KCNK5: variants seen among roughly 807,000 people sequenced by gnomAD.
The protein encoded by KCNK5 is potassium channel subfamily K member 5.
Under a neutral mutation model 32.9 loss-of-function variants are expected in KCNK5, and 18 were observed. The observed-to-expected ratio is 0.55, with a 90% CI of 0.38 to 0.81. The LOEUF is 0.81. Among genes scored for constraint, KCNK5 ranks in the 30% least tolerant of loss-of-function variants. KCNK5 has a pLI of 0.00. For synonymous variants in KCNK5, 276 were observed against 275.3 expected (o/e 1.00, Z -0.03); for missense variants, 507 against 651.0 (o/e 0.78, Z 2.41).
chr6:39,203,087 C>G (rs111703431), intron 1 of KCNK5, among the ~76,000 whole-genome samples: 45 of 152,124 alleles, frequency 3.0e-4, no homozygotes, highest in Non-Finnish European at 6.2e-4. Context: ...CTGCTCACCC[C>G]CAAAGCTGAA....
At chr6:39,216,888 G>A (rs1257418270) in intron 1 of KCNK5, among the ~76,000 whole-genome samples, 3 of 152,028 alleles carry the variant, frequency 2.0e-5, no homozygotes, top group Admixed American at 1.3e-4. Context: ...TTGGGAGGCT[G>A]AGGCGGGCAG....
Position 39,195,978 on chromosome 6 carries a change from C to T in KCNK5, c.196G>A (p.Asp66Asn). The change falls in exon 2 of 5, where the codon GAT becomes AAT. Residue 66 changes from aspartate (D) to asparagine (N), a missense_variant. Physicochemically the swap from Asp to Asn is conservative, Grantham distance 23. This residue lies in a region of KCNK5 where 143 missense variants were observed against 219.1 expected (regional missense o/e 0.65). Transcript: ENST00000359534. Reference protein sequence around the residue: ...GLDKILEVVSDAAGQGVAITG... With the variant: ...GLDKILEVVSNAAGQGVAITG... ...ATGGCCACACCCTGTCCTGCAGCAT[C>T]AGATACCACCTAAAATGAGAAACAG... is the stretch of plus-strand genomic sequence containing the variant. 6.2e-7 allele frequency: 1 copy of T among 1,610,980 alleles called. No individual in the cohort carries two copies. The highest frequency in any genetic ancestry group is 8.5e-7 in the Non-Finnish European group (1 of 1,178,186).
intron 2 of KCNK5, among the ~76,000 whole-genome samples, chr6:39,195,425 A>G (rs3778448): frequency 0.35 from 52,538 of 152,172 alleles, 9,490 homozygotes; most frequent in African/African-American, 0.46. Flanking sequence ...CCATTGTTCG[A>G]CTGCCACTGC....
chr6:39,217,959 C>T (rs1490282215), intron 1 of KCNK5, among the ~76,000 whole-genome samples: 1 of 152,036 alleles, frequency 6.6e-6, no homozygotes, highest in Admixed American at 6.5e-5. Context: ...TGCTCAAGAT[C>T]ACAGGAACGG....
intron 1 of KCNK5, among the ~76,000 whole-genome samples, chr6:39,224,991 A>G (rs1042189208): frequency 6.7e-6 from 1 of 149,644 alleles, no homozygotes; most frequent in African/African-American, 2.5e-5. Context: ...TGCAGCTTTG[A>G]CCTCCCAGGT....
chr6:39,200,816 TC>T (rs139280617), intron 1 of KCNK5, among the ~76,000 whole-genome samples: 2,925 of 152,274 alleles, frequency 0.019, 98 homozygotes, highest in African/African-American at 0.066. Context: ...CTCCCAGACA[TC>T]CCCTCATCCC....
chr6:39,201,268 T>C (rs1179349002), intron 1 of KCNK5, among the ~76,000 whole-genome samples: 1 of 137,756 alleles, frequency 7.3e-6, no homozygotes, highest in Non-Finnish European at 1.6e-5. Context: ...TTTTTTTTTT[T>C]GCGATGAGAG....
rs1186738281 is a variant in KCNK5 at position 39,189,783 on chromosome 6, A to C, written c.*1107T>G. 6 of 152,690 alleles carry C rather than the reference A, an allele frequency of 3.9e-5. No individual in the cohort carries two copies. The highest frequency in any genetic ancestry group is 3.9e-4 in the Admixed American group (6 of 15,286). 9.5% of individuals were successfully genotyped at this position (152,690 alleles called of 1,614,324 possible). On this transcript the variant is annotated 3_prime_UTR_variant, in exon 5 of 5. Coordinates refer to ENST00000359534, the MANE Select transcript of KCNK5 (RefSeq NM_003740.4). ...GTGCACACACGCACTGTGCACACAC[A>C]CGTGCACATCAAACACTAGCTAGAG...
chr6:39,226,907 C>T (rs1263803266), intron 1 of KCNK5, among the ~76,000 whole-genome samples: 1 of 152,158 alleles, frequency 6.6e-6, no homozygotes, highest in Non-Finnish European at 1.5e-5. Context: ...ATAATAGCCT[C>T]CAAAGCAGAC....
At chr6:39,227,842 C>T (rs1015098800) in intron 1 of KCNK5, among the ~76,000 whole-genome samples, 1 of 152,130 alleles carries the variant, frequency 6.6e-6, no homozygotes, top group Non-Finnish European at 1.5e-5. Context: ...CTGCTGTAGA[C>T]TAAACGTTGC....
chr6:39,229,061 G>A lies in KCNK5; in HGVS notation c.51C>T (p.Ala17=), dbSNP rs1420322718. ...GCACTTCGAAGATCGCCGCCCCGAT[G>A]GCCAGGTAGAAGATGATGGCCGAGG... ...LLTSAIIFYL[A]IGAAIFEVLE... The change falls in exon 1 of 5, where the codon GCC becomes GCT. Residue 17 remains alanine (A), a synonymous_variant. Transcript: ENST00000359534. The A allele has an allele frequency of 2.5e-6, 4 of 1,614,148 alleles. No individual in the cohort carries two copies. The highest frequency in any genetic ancestry group is 8.5e-7 in the Non-Finnish European group (1 of 1,180,012).
intron 1 of KCNK5, among the ~76,000 whole-genome samples, chr6:39,205,888 G>C (rs1420211428): frequency 6.6e-6 from 1 of 152,118 alleles, no homozygotes; most frequent in African/African-American, 2.4e-5. Context: ...AGCCAGCAGT[G>C]CTCTCAGGCC....
chr6:39,227,129 C>G (rs1771687908), intron 1 of KCNK5, among the ~76,000 whole-genome samples: 1 of 151,642 alleles, frequency 6.6e-6, no homozygotes, highest in Admixed American at 6.6e-5. Context: ...GCCGTATGCC[C>G]CGCCAGCCTT....
chr6:39,229,133 T>C lies in KCNK5; in HGVS notation c.-22A>G. 1 of 1,612,494 alleles carries C rather than the reference T, an allele frequency of 6.2e-7. No homozygotes were observed. The highest frequency in any genetic ancestry group is 8.5e-7 in the Non-Finnish European group (1 of 1,179,350). On this transcript the variant is annotated 5_prime_UTR_variant, in exon 1 of 5. Coordinates refer to ENST00000359534, the MANE Select transcript of KCNK5 (RefSeq NM_003740.4). ...CCATGGCTCCCGAGCGGCCGCCTCCTAGAGAAAGCCTCTCCTAGCCCCAGC... is the reference window on the plus strand; with the variant it reads ...CCATGGCTCCCGAGCGGCCGCCTCCCAGAGAAAGCCTCTCCTAGCCCCAGC...
At chr6:39,210,812 T>A (rs1265497989) in intron 1 of KCNK5, among the ~76,000 whole-genome samples, 1 of 152,088 alleles carries the variant, frequency 6.6e-6, no homozygotes, top group Non-Finnish European at 1.5e-5. Flanking sequence ...TCCCAGGGGC[T>A]CACTCCATGC....
chr6:39,217,811 G>A (rs759260347), intron 1 of KCNK5, among the ~76,000 whole-genome samples: 6 of 152,182 alleles, frequency 3.9e-5, no homozygotes, highest in Non-Finnish European at 5.9e-5. Context: ...GAGACTCCCT[G>A]GGGAGCAGGG....
At chr6:39,193,685 G>C (rs961974487) in intron 4 of KCNK5, among the ~76,000 whole-genome samples, 2 of 152,326 alleles carry the variant, frequency 1.3e-5, no homozygotes, top group East Asian at 3.9e-4. Context: ...GGCCTCCCTT[G>C]TCTTTAAGCT....
chr6:39,217,708 G>A (rs758733324), intron 1 of KCNK5, among the ~76,000 whole-genome samples: 4 of 152,138 alleles, frequency 2.6e-5, no homozygotes, highest in Non-Finnish European at 2.9e-5. Flanking sequence ...CCCAGAGCGT[G>A]AGCCACCCCC....
Position 39,191,269 on chromosome 6 carries a change from T to A in KCNK5, c.1121A>T (p.Glu374Val). The A allele has an allele frequency of 6.2e-7, 1 of 1,614,104 alleles. No homozygotes were observed. Among genetic ancestry groups the A allele is most frequent in the Non-Finnish European group, 8.5e-7 (1 of 1,180,026 alleles). The change falls in exon 5 of 5, where the codon GAG becomes GTG. Residue 374 changes from glutamate to valine, a missense_variant. Glu to Val is a moderately radical substitution (Grantham distance 121, BLOSUM62 -2). This residue lies in a region of KCNK5 where 252 missense variants were observed against 250.8 expected (regional missense o/e 1.00). Coordinates refer to ENST00000359534, the MANE Select transcript of KCNK5 (RefSeq NM_003740.4). This position sits in a 1 kb window ranked among gnomAD's most constrained non-coding sequence, Gnocchi z 5.8. Reference sequence around the variant, plus strand: ...TTCAGGGGCCCGTGCCACAGCCTCCTCATCTGGGGACCTTGATACGTGGCC... The same window carrying A: ...TTCAGGGGCCCGTGCCACAGCCTCCACATCTGGGGACCTTGATACGTGGCC... ...SKGHVSRSPD[E>V]EAVARAPEDS...
Sources: gnomAD v4.1 joint callset for allele counts (sites outside exome capture counted in the v4.1 genomes callset) on GRCh38, gnomAD v4.1.1 for gene constraint, gnomAD v4.1.1 regional missense constraint, Gnocchi (gnomAD v3.1) non-coding constraint, MANE v1.5 for transcripts, NCBI Gene and HGNC (gene_info 2026-07-23, HGNC 2026-07-21) for gene names.